ST7L: variants seen among roughly 807,000 people sequenced by gnomAD.
ST7L encodes suppressor of tumorigenicity 7 protein-like.
Under a neutral mutation model 72.5 loss-of-function variants are expected in ST7L, and 57 were observed. The ratio of observed to expected loss-of-function variants is 0.79; its 90% CI spans 0.64 to 0.98. The LOEUF (loss-of-function observed/expected upper bound fraction) is 0.98, where lower values mean the gene tolerates loss of function less well. Ranked by LOEUF, ST7L falls within the 50% of genes least tolerant of loss-of-function variation. The pLI, the probability that ST7L is intolerant of heterozygous loss-of-function variation, is 0.00. For synonymous variants in ST7L, 221 were observed against 240.9 expected (o/e 0.92, Z 0.77); for missense variants, 576 against 672.2 (o/e 0.86, Z 1.58).
intron 11 of ST7L, among the ~76,000 whole-genome samples, chr1:112,574,658 C>CA (rs202121446): frequency 0.023 from 2,852 of 122,668 alleles, 97 homozygotes; most frequent in African/African-American, 0.079. Context: ...GACTCCGTCT[C>CA]AAAAAAAAAA....
At position 112,584,099 on chromosome 1, in the gene ST7L, A is replaced by G; in HGVS notation, c.729T>C (p.Ala243=). 6.2e-7 allele frequency: 1 copy of G among 1,614,006 alleles called. No homozygotes were observed. The highest frequency in any genetic ancestry group is 2.2e-5 in the East Asian group (1 of 44,870). Residue 243 remains alanine (A), a synonymous_variant, in exon 7 of 15, where the codon GCT becomes GCC. Coordinates refer to ENST00000358039, the MANE Select transcript of ST7L (RefSeq NM_017744.5). ...NDCATAYVLL[A]EEEATTIVDA... Reference sequence around the variant, plus strand: ...CTACAATAGTTGTTGCTTCTTCCTCAGCCAGTAGAACATATGCAGTGGCAC... The same window carrying G: ...CTACAATAGTTGTTGCTTCTTCCTCGGCCAGTAGAACATATGCAGTGGCAC...
At chr1:112,602,733 T>TC (rs1667613810) in intron 3 of ST7L, among the ~76,000 whole-genome samples, 1 of 144,164 alleles carries the variant, frequency 6.9e-6, no homozygotes, top group Non-Finnish European at 1.5e-5. Context: ...TTTTTTTTTT[T>TC]GAGACGGAGT....
At chr1:112,603,641 G>C (rs1667771114) in intron 3 of ST7L, among the ~76,000 whole-genome samples, 1 of 152,206 alleles carries the variant, frequency 6.6e-6, no homozygotes, top group Non-Finnish European at 1.5e-5. Flanking sequence ...TTCACAATGT[G>C]TGTATAGCTC....
intron 1 of ST7L, among the ~76,000 whole-genome samples, chr1:112,617,627 G>A (rs1422506502): frequency 2.0e-5 from 3 of 151,786 alleles, no homozygotes; most frequent in Admixed American, 6.6e-5. Flanking sequence ...CCAGAGGATC[G>A]CTTAAGCAGA....
intron 6 of ST7L, among the ~76,000 whole-genome samples, chr1:112,590,743 T>C (rs1040412166): frequency 3.3e-5 from 5 of 152,280 alleles, no homozygotes; most frequent in Admixed American, 6.5e-5. Context: ...AACAAAGAAC[T>C]ATAAAAAAAT....
chr1:112,550,722 T>C (rs969638710), intron 12 of ST7L, 29 bp from the exon 13 acceptor site: 16 of 1,544,298 alleles, frequency 1.0e-5, no homozygotes, highest in Non-Finnish European at 1.4e-5. Flanking sequence ...GTGTTGATAC[T>C]CAATTCTGTC....
chr1:112,555,972 AG>A lies in ST7L; in HGVS notation c.1291del (p.Leu431Ter). 6.2e-7 allele frequency: 1 copy of A among 1,611,806 alleles called. No homozygotes were observed. ...AATTGCTTCACTATCACCCCGTTTC[AG>A]AATGTGTTCTGGAGGTAAAATTAAA... ...KSLILPPEHI[L>X]KRGDSEAIAY... On this transcript the variant is annotated frameshift_variant, in exon 12 of 15. Transcript: ENST00000358039. LOFTEE classifies it high-confidence loss of function.
At chr1:112,582,160 A>T in intron 8 of ST7L, 54 bp from the exon 9 acceptor site, 5 of 1,312,686 alleles carry the variant, frequency 3.8e-6, no homozygotes, top group Non-Finnish European at 5.4e-6. Context: ...AACTCAATAG[A>T]GCTGAGCCAG....
At chr1:112,580,500 A>G (rs183044186) in intron 9 of ST7L, among the ~76,000 whole-genome samples, 3 of 152,264 alleles carry the variant, frequency 2.0e-5, no homozygotes, top group African/African-American at 7.2e-5. Flanking sequence ...ATACCACCAG[A>G]AGCATAGTAA....
chr1:112,585,372 G>A (rs72699066), intron 6 of ST7L, among the ~76,000 whole-genome samples: 3,725 of 152,286 alleles, frequency 0.024, 68 homozygotes, highest in South Asian at 0.043. Flanking sequence ...AATGCACAAC[G>A]AATTTTGAAG....
In ST7L at chr1:112,581,981, A is replaced by C. The variant is rs767799866; in HGVS notation, c.1069+11T>G. On this transcript the variant is annotated intron_variant, in intron 9 of 14. Transcript: ENST00000358039. ...AATAACCATGCTATCAACTAAGGGA[A>C]TATGACTCACCATCATATTTTGCTA... The C allele has an allele frequency of 2.0e-6, 3 of 1,503,356 alleles. No individual in the cohort carries two copies. Among genetic ancestry groups the C allele is most frequent in the Non-Finnish European group, 9.3e-7 (1 of 1,079,664 alleles). The allele number at this position is 1,503,356 out of a possible 1,614,324, so 93.1% of individuals were successfully genotyped here.
chr1:112,617,619 A>T (rs1670072386), intron 1 of ST7L, among the ~76,000 whole-genome samples: 1 of 151,936 alleles, frequency 6.6e-6, no homozygotes, highest in Admixed American at 6.6e-5. Flanking sequence ...GGCTGAGGCC[A>T]GAGGATCGCT....
chr1:112,574,730 T>C (rs1350422706), intron 11 of ST7L, among the ~76,000 whole-genome samples: 2 of 151,668 alleles, frequency 1.3e-5, no homozygotes. Flanking sequence ...ATAAACATAA[T>C]TAATAAATAA....
intron 11 of ST7L, among the ~76,000 whole-genome samples, chr1:112,572,641 C>T (rs189488511): frequency 1.3e-5 from 2 of 152,188 alleles, no homozygotes; most frequent in East Asian, 3.9e-4. Context: ...CTTTGGGAGG[C>T]TGAGGAGGGA....
At chr1:112,551,380 C>A (rs939541602) in intron 12 of ST7L, among the ~76,000 whole-genome samples, 2 of 151,912 alleles carry the variant, frequency 1.3e-5, no homozygotes, top group African/African-American at 4.8e-5. Context: ...GATCTCCTGA[C>A]CTTGTGATCC....
At chr1:112,517,922 A>G in the ST7L span, 1 of 155,572 alleles carries the variant, frequency 6.4e-6, no homozygotes, top group Admixed American at 6.2e-5. Flanking sequence ...GCAATTTCTT[A>G]TCAGAGAGTA....
intron 2 of ST7L, 45 bp from the exon 3 acceptor site, chr1:112,611,048 A>G (rs748207526): frequency 1.9e-6 from 3 of 1,583,408 alleles, no homozygotes; most frequent in Admixed American, 1.8e-5. Flanking sequence ...CGATCAGCAG[A>G]TACATGAGCT....
In ST7L at chr1:112,600,805, T is replaced by C. The variant is rs765669664; in HGVS notation, c.495A>G (p.Ala165=). 1.2e-6 allele frequency: 2 copies of C among 1,610,818 alleles called. No homozygotes were observed. The highest frequency in any genetic ancestry group is 1.7e-5 in the Admixed American group (1 of 59,782). ...WRNPLNLFRG[A]EYRRYTWVTG... ...GCAAAATGTAATACCTCCTATATTC[T>C]GCTCCTCTGAAAAGATTTAGAGGGT... is the stretch of plus-strand genomic sequence containing the variant. Residue 165 remains alanine (A), a synonymous_variant, in exon 4 of 15, where the codon GCA becomes GCG. Transcript: ENST00000358039.
chr1:112,613,338 T>C (rs1288461858), intron 2 of ST7L, among the ~76,000 whole-genome samples: 2 of 152,196 alleles, frequency 1.3e-5, no homozygotes, highest in Admixed American at 6.5e-5. Context: ...ATCCTTGACA[T>C]GCATTATGTC....
Sources: gnomAD v4.1 joint callset for allele counts (sites outside exome capture counted in the v4.1 genomes callset) on GRCh38, gnomAD v4.1.1 for gene constraint, MANE v1.5 for transcripts, NCBI Gene and HGNC (gene_info 2026-07-23, HGNC 2026-07-21) for gene names.